Variants in LTA4H observed in about 807,000 individuals in gnomAD.
LTA4H encodes the protein leukotriene A-4 hydrolase.
In LTA4H, 59 loss-of-function variants were observed where a neutral mutation model predicts 89.8. The ratio of observed to expected loss-of-function variants is 0.66; its 90% CI spans 0.53 to 0.82. The LOEUF (loss-of-function observed/expected upper bound fraction) is 0.82. Among genes scored for constraint, LTA4H ranks in the 40% least tolerant of loss-of-function variants. LTA4H has a pLI of 0.00. For synonymous variants in LTA4H, 227 were observed against 253.1 expected, an observed-to-expected ratio of 0.90 and a Z score of 0.98; for missense variants, 617 against 727.0, an observed-to-expected ratio of 0.85 and a Z score of 1.74.
At chr12:96,018,224 C>A (rs979663360) in intron 8 of LTA4H, among the ~76,000 whole-genome samples, 4 of 152,150 alleles carry the variant, frequency 2.6e-5, no homozygotes, top group African/African-American at 9.7e-5. Flanking sequence ...TAATATTCTC[C>A]TTCTCCAAAT....
upstream of LTA4H, among the ~76,000 whole-genome samples, chr12:96,039,842 A>G (rs1330777714): frequency 6.6e-6 from 1 of 152,094 alleles, no homozygotes; most frequent in Non-Finnish European, 1.5e-5. Flanking sequence ...AGTCGATGTA[A>G]TTTGCAGATA....
At chr12:96,006,444 G>A in intron 15 of LTA4H, 35 bp from the exon 16 acceptor site, 1 of 1,291,908 alleles carries the variant, frequency 7.7e-7, no homozygotes, top group South Asian at 1.3e-5. Context: ...TTTTGTTCAA[G>A]TACAATTTAA....
chr12:96,010,145 A>G (rs1469235137), intron 14 of LTA4H: 3 of 152,206 alleles, frequency 2.0e-5, no homozygotes, highest in Non-Finnish European at 4.4e-5. Flanking sequence ...ATTTCTTAAA[A>G]AATAATAGCA....
upstream of LTA4H, among the ~76,000 whole-genome samples, chr12:96,039,300 G>A (rs1332161199): frequency 6.6e-6 from 1 of 152,054 alleles, no homozygotes; most frequent in Non-Finnish European, 1.5e-5. Flanking sequence ...ATGAAAAGAT[G>A]ATCTATATAA....
chr12:96,007,770 T>A (rs1445914509), intron 15 of LTA4H, among the ~76,000 whole-genome samples: 1 of 152,146 alleles, frequency 6.6e-6, no homozygotes, highest in East Asian at 1.9e-4. Flanking sequence ...CCAAATAAGC[T>A]GGAATACATT....
At chr12:96,024,590 G>A (rs368078730) in intron 3 of LTA4H, 43 bp from the exon 4 acceptor site, 118 of 1,210,694 alleles carry the variant, frequency 9.7e-5, no homozygotes, top group South Asian at 1.6e-4. Flanking sequence ...TTTATCTTTC[G>A]CATAAGTCAT....
chr12:96,021,706 C>T (rs1463920830), intron 5 of LTA4H, among the ~76,000 whole-genome samples: 3 of 151,644 alleles, frequency 2.0e-5, no homozygotes, highest in Non-Finnish European at 4.4e-5. Context: ...CACACACTCA[C>T]GCATGCATAC....
rs1950396522 is a variant in LTA4H at position 96,017,579 on chromosome 12, G to A, written c.854C>T (p.Ala285Val). Residue 285 changes from alanine to valine, a missense_variant and splice_region_variant, in exon 9 of 19, where the codon GCA becomes GTA. Coordinates refer to ENST00000228740, the MANE Select transcript of LTA4H (RefSeq NM_000895.3). ...TACATTGGAGAGTGACTTGTCGCCT[G>A]CCTACAAAAAAAGAAAATTACCTTA... ...CLTFVTPTLL[A>V]GDKSLSNVIA... 2 of 1,609,464 alleles carry A rather than the reference G, an allele frequency of 1.2e-6. No homozygotes were observed. Among genetic ancestry groups the A allele is most frequent in the Non-Finnish European group, 8.5e-7 (1 of 1,176,816 alleles).
chr12:96,039,804 T>G (rs1950675071), upstream of LTA4H, among the ~76,000 whole-genome samples: 1 of 152,260 alleles, frequency 6.6e-6, no homozygotes, highest in Non-Finnish European at 1.5e-5. Context: ...CTCCCCTTCC[T>G]TTACATATAC....
chr12:96,020,996 C>A (rs1450863597), intron 6 of LTA4H, 89 bp downstream of exon 6: 6 of 970,700 alleles, frequency 6.2e-6, no homozygotes, highest in Non-Finnish European at 7.9e-6. Context: ...GAGAAATATG[C>A]AAATGATTGA....
intron 3 of LTA4H, among the ~76,000 whole-genome samples, chr12:96,026,390 T>G: frequency 6.6e-6 from 1 of 152,210 alleles, no homozygotes; most frequent in East Asian, 1.9e-4. Context: ...TTGCTGCCAA[T>G]AAGAAATGGA....
chr12:96,017,684 G>T, intron 8 of LTA4H, 104 bp from the exon 9 acceptor site: 2 of 749,156 alleles, frequency 2.7e-6, no homozygotes, highest in Non-Finnish European at 4.6e-6. Flanking sequence ...GTGATCCACT[G>T]TATTTCTACT....
At chr12:96,017,231 G>A in intron 9 of LTA4H, 117 bp from the exon 10 acceptor site, 1 of 752,646 alleles carries the variant, frequency 1.3e-6, no homozygotes, top group Middle Eastern at 3.7e-4. Context: ...AGATATTCAG[G>A]GAGTTACTCA....
chr12:96,035,160 G>A lies in LTA4H; in HGVS notation c.159+201C>T, dbSNP rs1251338423. On this transcript the variant is annotated intron_variant, in intron 1 of 18. Coordinates refer to ENST00000228740, the MANE Select transcript of LTA4H (RefSeq NM_000895.3). ...GAAGGGATGCAGAGGCGTAAGCGGG[G>A]TTGAGAAGGGGTGCTGTGAGAGATC... is the stretch of plus-strand genomic sequence containing the variant. Among the ~76,000 whole-genome samples, 5 of 152,192 alleles carry A rather than the reference G, an allele frequency of 3.3e-5. No homozygotes were observed. The East Asian group carries it at 9.6e-4, about 29-fold the overall frequency.
chr12:96,019,284 T>C, intron 6 of LTA4H, 44 bp from the exon 7 acceptor site: 1 of 1,505,714 alleles, frequency 6.6e-7, no homozygotes, highest in Non-Finnish European at 9.2e-7. Context: ...TCATGGCAAA[T>C]GATTCATCTG....
In LTA4H at chr12:96,022,280, C is replaced by T; in HGVS notation, c.481-29G>A. The T allele has an allele frequency of 7.0e-7, 1 of 1,438,012 alleles. No individual in the cohort carries two copies. The highest frequency in any genetic ancestry group is 1.2e-5 in the South Asian group (1 of 85,550). The allele number at this position is 1,438,012 out of a possible 1,614,324, so 89.1% of individuals were successfully genotyped here. ...ATCAAGGAGAAAAATCATTTCTAGTCATAAATAAAAGCTTCTATGTGTCTT... is the reference window on the plus strand; with the variant it reads ...ATCAAGGAGAAAAATCATTTCTAGTTATAAATAAAAGCTTCTATGTGTCTT... On this transcript the variant is annotated intron_variant, in intron 4 of 18. Coordinates refer to ENST00000228740, the MANE Select transcript of LTA4H (RefSeq NM_000895.3). The surrounding 1 kb of genome is among the most constrained non-coding windows in gnomAD (Gnocchi z 4.0).
At chr12:96,041,611 C>T (rs1181504652) in intron 1 of LTA4H, among the ~76,000 whole-genome samples, 2 of 151,838 alleles carry the variant, frequency 1.3e-5, no homozygotes, top group Non-Finnish European at 1.5e-5. Flanking sequence ...TTAAATCACT[C>T]AGCTTATTAT....
chr12:96,016,328 T>G (rs1213915397), intron 10 of LTA4H, among the ~76,000 whole-genome samples: 3 of 148,192 alleles, frequency 2.0e-5, no homozygotes, highest in Non-Finnish European at 3.0e-5. Context: ...AAATCCTTGT[T>G]GGCTGGGCGT....
intron 17 of LTA4H, 44 bp from the exon 18 acceptor site, chr12:96,003,108 A>C: frequency 7.8e-7 from 1 of 1,276,058 alleles, no homozygotes; most frequent in Non-Finnish European, 1.1e-6. Context: ...AAAATGAGGA[A>C]GGGGCAGGAT....
Sources: gnomAD v4.1 joint callset for allele counts (sites outside exome capture counted in the v4.1 genomes callset) on GRCh38, gnomAD v4.1.1 for gene constraint, Gnocchi (gnomAD v3.1) non-coding constraint, MANE v1.5 for transcripts, NCBI Gene and HGNC (gene_info 2026-07-23, HGNC 2026-07-21) for gene names.